TTBK2: variants seen among roughly 807,000 people sequenced by gnomAD.
The protein encoded by TTBK2 is tau tubulin kinase 2.
In TTBK2, 28 loss-of-function variants were observed where a neutral mutation model predicts 110.8. The ratio of observed to expected loss-of-function variants is 0.25; its 90% CI spans 0.19 to 0.35. The LOEUF (loss-of-function observed/expected upper bound fraction) is 0.35. Ranked by LOEUF, TTBK2 falls within the 10% of genes least tolerant of loss-of-function variation. TTBK2 has a pLI of 1.00. For missense variants in TTBK2, 1,369 were observed against 1,500.3 expected (o/e 0.91, Z 1.45); for synonymous variants, 532 against 527.3 (o/e 1.01, Z -0.12).
At chr15:42,786,366 T>G (rs1890414244) in intron 10 of TTBK2, among the ~76,000 whole-genome samples, 1 of 152,204 alleles carries the variant, frequency 6.6e-6, no homozygotes, top group Admixed American at 6.5e-5. Context: ...CTAACATACA[T>G]GTACTACATG....
At chr15:42,835,589 T>C (rs954344691) in intron 4 of TTBK2, among the ~76,000 whole-genome samples, 5 of 152,006 alleles carry the variant, frequency 3.3e-5, no homozygotes, top group Non-Finnish European at 7.4e-5. Flanking sequence ...ATAAGCAATG[T>C]GTGAACCCTA....
chr15:42,806,831 T>G (rs1166258558), intron 9 of TTBK2, among the ~76,000 whole-genome samples: 2 of 151,324 alleles, frequency 1.3e-5, no homozygotes, highest in Non-Finnish European at 3.0e-5. Flanking sequence ...TTTTTTTTTT[T>G]GGCTCATCAG....
In TTBK2 at chr15:42,782,175, G is replaced by A. The variant is rs572965439; in HGVS notation, c.1197+1244C>T. 3.7e-4 allele frequency among the ~76,000 whole-genome samples: 56 copies of A among 152,202 alleles called. 1 individual carries two copies. Among genetic ancestry groups the A allele is most frequent in the Admixed American group, 2.3e-3 (35 of 15,286 alleles). The stretch of plus-strand genomic sequence containing the variant: ...CAACCTCCACCTCTCAGGTTCAAGC[G>A]ATTCTCCTGCCTCAGCTTCCCAAGT... On this transcript the variant is annotated intron_variant, in intron 11 of 14. Transcript: ENST00000267890.
chr15:42,878,821 C>A, intron 1 of TTBK2, 137 bp from the exon 2 acceptor site: 1 of 1,155,260 alleles, frequency 8.7e-7, no homozygotes, highest in East Asian at 2.8e-5. Context: ...GGAAAAAGAC[C>A]TAGAAATGTT....
At chr15:42,776,377 C>T (rs1889921546) in intron 12 of TTBK2, among the ~76,000 whole-genome samples, 1 of 152,224 alleles carries the variant, frequency 6.6e-6, no homozygotes. Flanking sequence ...ATATATCCCA[C>T]ACTTTTTTCA....
intron 14 of TTBK2, among the ~76,000 whole-genome samples, chr15:42,749,651 T>C (rs1419828448): frequency 6.6e-6 from 1 of 152,322 alleles, no homozygotes. Context: ...TTTTTCCCCA[T>C]TGTTACAAAC....
At chr15:42,764,907 C>G (rs1026693258) in intron 13 of TTBK2, among the ~76,000 whole-genome samples, 1 of 152,190 alleles carries the variant, frequency 6.6e-6, no homozygotes, top group African/African-American at 2.4e-5. Context: ...ACGAAGCTTC[C>G]AGAGGAAGGA....
intron 13 of TTBK2, among the ~76,000 whole-genome samples, chr15:42,754,077 A>AG: frequency 6.9e-6 from 1 of 144,340 alleles, no homozygotes; most frequent in East Asian, 2.0e-4. Context: ...TGATTTCTCT[A>AG]ATGTTTTCTT....
intron 2 of TTBK2, among the ~76,000 whole-genome samples, chr15:42,873,392 C>A (rs1179734998): frequency 6.6e-6 from 1 of 152,098 alleles, no homozygotes. Context: ...CAAGATCCTG[C>A]CACTGCATTC....
Position 42,801,597 on chromosome 15 carries a change from G to A in TTBK2, c.823-6796C>T, listed in dbSNP as rs112945859. 3.1e-4 allele frequency: 241 copies of A among 777,762 alleles called. 1 individual carries two copies. In the African/African-American group the frequency reaches 3.4e-3, roughly 11 times the overall value. The allele number at this position is 777,762 out of a possible 1,614,324, so 48.2% of individuals were successfully genotyped here. On this transcript the variant is annotated intron_variant, in intron 9 of 14. Coordinates refer to ENST00000267890, the MANE Select transcript of TTBK2 (RefSeq NM_173500.4). ...ATGCTCTCAGCCTCAGCCTGGCTGCGGTTGGCAATCTCCTCGTACTGCACC... is the reference window on the plus strand; with the variant it reads ...ATGCTCTCAGCCTCAGCCTGGCTGCAGTTGGCAATCTCCTCGTACTGCACC...
At chr15:42,871,477 A>T in intron 3 of TTBK2, 1 of 985,360 alleles carries the variant, frequency 1.0e-6, no homozygotes, top group Non-Finnish European at 1.2e-6. Context: ...AAGTAGGAGA[A>T]AGGTGAAGTG....
rs190254828 is a variant in TTBK2, at chr15:42,810,809, A to G, written c.697-70T>C. On this transcript the variant is annotated intron_variant, in intron 8 of 14. Coordinates refer to ENST00000267890, the MANE Select transcript of TTBK2 (RefSeq NM_173500.4). ...GGTTAGGCATTAAGAGCCCCTCAGT[A>G]ACCGTCTCAAGGGTATGTACTAGGG... The G allele has an allele frequency of 1.9e-4, 293 of 1,576,886 alleles. No homozygotes were observed. In the African/African-American group the frequency reaches 3.7e-3, roughly 20 times the overall value.
intron 13 of TTBK2, among the ~76,000 whole-genome samples, chr15:42,763,129 TACATATATAC>T (rs2062061486): frequency 3.1e-5 from 3 of 98,216 alleles, no homozygotes; most frequent in Admixed American, 1.2e-4. Flanking sequence ...CACATATATA[TACATATATAC>T]ATACATATAT....
intron 3 of TTBK2, among the ~76,000 whole-genome samples, chr15:42,851,234 CAA>C (rs1469821048): frequency 7.5e-6 from 1 of 132,956 alleles, no homozygotes; most frequent in East Asian, 2.2e-4. Flanking sequence ...GGCGACAGAG[CAA>C]AACTCTGTCT....
chr15:42,813,382 T>C (rs1038147105), intron 7 of TTBK2, among the ~76,000 whole-genome samples: 3 of 150,908 alleles, frequency 2.0e-5, no homozygotes, highest in Non-Finnish European at 4.4e-5. Flanking sequence ...ATTAGCCAAG[T>C]GTGGTGGTGA....
At chr15:42,899,224 G>A (rs867645634) in intron 1 of TTBK2, among the ~76,000 whole-genome samples, 13 of 151,782 alleles carry the variant, frequency 8.6e-5, no homozygotes, top group Middle Eastern at 3.4e-3. Flanking sequence ...TCTCGAACTC[G>A]TGAGCTCAAG....
chr15:42,828,059 T>C (rs1567047073), intron 5 of TTBK2, 27 bp from the exon 6 acceptor site: 1 of 1,510,610 alleles, frequency 6.6e-7, no homozygotes, highest in East Asian at 2.3e-5. Context: ...GGAAAATATA[T>C]ACATTCTTAT....
At chr15:42,804,383 G>A (rs1891364231) in intron 9 of TTBK2, among the ~76,000 whole-genome samples, 1 of 151,664 alleles carries the variant, frequency 6.6e-6, no homozygotes, top group Non-Finnish European at 1.5e-5. Context: ...AGAGGTTGCA[G>A]TGAGCTGAGA....
chr15:42,880,933 T>A (rs1596017265), intron 1 of TTBK2, among the ~76,000 whole-genome samples: 2 of 150,926 alleles, frequency 1.3e-5, no homozygotes, highest in Non-Finnish European at 3.0e-5. Flanking sequence ...AAAAAAAAAA[T>A]AAAATAAACC....
Sources: allele counts gnomAD v4.1 joint callset (sites outside exome capture counted in the v4.1 genomes callset), GRCh38; gene constraint gnomAD v4.1.1; transcripts MANE v1.5; gene names NCBI Gene and HGNC (gene_info 2026-07-23, HGNC 2026-07-21).